The following PCDHA9 variants were observed in gnomAD, a reference collection of about 807,000 sequenced individuals.
The protein encoded by PCDHA9 is protocadherin alpha 9.
PCDHA9 carries 62 observed loss-of-function variants against 62.0 expected under a neutral mutation model. The ratio of observed to expected loss-of-function variants is 1.00; its 90% CI spans 0.81 to 1.23. The LOEUF is 1.23. Among genes scored for constraint, PCDHA9 ranks in the 50% most tolerant of loss-of-function variants. PCDHA9 has a pLI of 0.00. For synonymous variants in PCDHA9, 557 were observed against 567.6 expected (o/e 0.98, Z 0.27); for missense variants, 1,205 against 1,249.8 (o/e 0.96, Z 0.54).
chr5:140,968,185 C>T (rs1554230464), intron 1 of PCDHA9: 1 of 1,614,034 alleles, frequency 6.2e-7, no homozygotes, highest in East Asian at 2.2e-5. Context: ...TGGAGGACTC[C>T]TATTCCATCT....
intron 1 of PCDHA9, among the ~76,000 whole-genome samples, chr5:140,909,441 C>T (rs971678951): frequency 6.6e-6 from 1 of 152,214 alleles, no homozygotes; most frequent in Non-Finnish European, 1.5e-5. Context: ...AATCCACTGT[C>T]ATTCTCCAAG....
intron 1 of PCDHA9, among the ~76,000 whole-genome samples, chr5:140,962,346 TC>T (rs35212677): frequency 6.6e-6 from 1 of 152,108 alleles, no homozygotes; most frequent in Non-Finnish European, 1.5e-5. Flanking sequence ...GAAGTAAAAC[TC>T]CCCCCAATAC....
chr5:140,862,825 C>G (rs782012901), intron 1 of PCDHA9: 2 of 572,056 alleles, frequency 3.5e-6, no homozygotes, highest in South Asian at 2.7e-5. Flanking sequence ...GGTGAGAGCG[C>G]GCGACGCGGG....
chr5:140,852,648 C>A, intron 1 of PCDHA9: 1 of 958,186 alleles, frequency 1.0e-6, no homozygotes, highest in Non-Finnish European at 1.3e-6. Context: ...TTAAACCTAT[C>A]TATATCTGTC....
chr5:140,925,806 C>A (rs2082736423), intron 1 of PCDHA9, among the ~76,000 whole-genome samples: 1 of 152,148 alleles, frequency 6.6e-6, no homozygotes, highest in South Asian at 2.1e-4. Flanking sequence ...TTCCCCTCCA[C>A]TTCTCACGTC....
At chr5:140,863,377 G>T (rs782482597) in intron 1 of PCDHA9, 6 of 1,100,624 alleles carry the variant, frequency 5.5e-6, no homozygotes, top group Non-Finnish European at 7.9e-6. Context: ...GCAGCTCACC[G>T]AGAGCTCGTG....
At chr5:140,869,098 T>C (rs1581867822) in intron 1 of PCDHA9, 7 of 1,596,122 alleles carry the variant, frequency 4.4e-6, no homozygotes, top group Non-Finnish European at 5.1e-6. Flanking sequence ...GCCAATTTCG[T>C]ATGCGATGTT....
intron 3 of PCDHA9, among the ~76,000 whole-genome samples, chr5:140,997,525 A>G (rs1293979369): frequency 6.6e-6 from 1 of 152,242 alleles, no homozygotes; most frequent in African/African-American, 2.4e-5. Flanking sequence ...AAAAAGTACA[A>G]TAAAAATACA....
At chr5:140,882,565 C>T (rs782122682) in intron 1 of PCDHA9, 5 of 1,614,118 alleles carry the variant, frequency 3.1e-6, no homozygotes, top group Non-Finnish European at 4.2e-6. Context: ...GTGGGCGGAG[C>T]GCGGAGTGCA....
At chr5:140,948,819 A>G (rs1332127797) in intron 1 of PCDHA9, among the ~76,000 whole-genome samples, 5 of 151,420 alleles carry the variant, frequency 3.3e-5, no homozygotes, top group Middle Eastern at 3.4e-3. Context: ...TTTCTATTTC[A>G]TTAATTTCTG....
chr5:140,926,763 C>T, intron 1 of PCDHA9: 1 of 1,327,892 alleles, frequency 7.5e-7, no homozygotes, highest in African/African-American at 1.5e-5. Flanking sequence ...GCTGAGTATC[C>T]AGCCCGCAGC....
chr5:140,853,963 A>G (rs1458848768), intron 1 of PCDHA9: 2 of 685,274 alleles, frequency 2.9e-6, no homozygotes, highest in African/African-American at 2.0e-5. Flanking sequence ...CCTTGAGCCC[A>G]GCAGTTTGAG....
intron 1 of PCDHA9, among the ~76,000 whole-genome samples, chr5:140,873,079 TC>T (rs544069393): frequency 1.1e-4 from 17 of 152,076 alleles, no homozygotes; most frequent in Admixed American, 4.6e-4. Context: ...TCTAGCTATT[TC>T]CCCCCCGTAT....
In PCDHA9 at chr5:141,010,490, A is replaced by C; in HGVS notation, c.*553A>C. 1.6e-6 allele frequency: 1 copy of C among 640,034 alleles called. No individual in the cohort carries two copies. The highest frequency in any genetic ancestry group is 2.4e-6 in the Non-Finnish European group (1 of 411,150). The allele number at this position is 640,034 out of a possible 1,614,324, so 39.6% of individuals were successfully genotyped here. On this transcript the variant is annotated 3_prime_UTR_variant, in exon 4 of 4. Coordinates refer to ENST00000532602, the MANE Select transcript of PCDHA9 (RefSeq NM_031857.2). ...GGAGGGGAAGTGTAAACTTAAAGGG[A>C]CCAGACTTTCTAAATCTTACAACTC...
At chr5:140,937,500 C>T (rs2091549219) in intron 1 of PCDHA9, among the ~76,000 whole-genome samples, 1 of 152,024 alleles carries the variant, frequency 6.6e-6, no homozygotes, top group Admixed American at 6.6e-5. Context: ...ACCCGTAATC[C>T]CAGCTACTCA....
chr5:140,863,109 G>A, intron 1 of PCDHA9: 1 of 584,624 alleles, frequency 1.7e-6, no homozygotes, highest in Non-Finnish European at 3.4e-6. Flanking sequence ...CCCTGGACGA[G>A]GCGAAAGCTA....
In PCDHA9 at chr5:141,011,214, T is replaced by C. The variant is rs2098419822; in HGVS notation, c.*1277T>C. On this transcript the variant is annotated 3_prime_UTR_variant, in exon 4 of 4. Transcript: ENST00000532602. ...ATTGTTTTCTCATACAGTGAGCAGA[T>C]TTTTCAATCTACTAATTCTGTGACT... 1 of 153,748 alleles carries C rather than the reference T, an allele frequency of 6.5e-6. No individual in the cohort carries two copies. Among genetic ancestry groups the C allele is most frequent in the African/African-American group, 2.4e-5 (1 of 41,448 alleles). The allele number at this position is 153,748 out of a possible 1,614,324, so 9.5% of individuals were successfully genotyped here. A position where few individuals can be genotyped will look rare whatever the true frequency, so the allele number is the denominator to read the frequency against.
chr5:140,982,917 C>T (rs2097016226), intron 3 of PCDHA9, among the ~76,000 whole-genome samples: 1 of 151,626 alleles, frequency 6.6e-6, no homozygotes, highest in Non-Finnish European at 1.5e-5. Context: ...ACAGAGATGA[C>T]ACTGTTAACA....
intron 3 of PCDHA9, among the ~76,000 whole-genome samples, chr5:141,003,433 T>G (rs1479468480): frequency 2.0e-5 from 3 of 152,112 alleles, no homozygotes; most frequent in African/African-American, 7.2e-5. Flanking sequence ...TGCCTCAGCC[T>G]CCCAAGTAGA....
Sources: gnomAD v4.1 joint callset for allele counts (sites outside exome capture counted in the v4.1 genomes callset) on GRCh38, gnomAD v4.1.1 for gene constraint, MANE v1.5 for transcripts, NCBI Gene and HGNC (gene_info 2026-07-23, HGNC 2026-07-21) for gene names.